SLC2A13: variants seen among roughly 807,000 people sequenced by gnomAD.
SLC2A13 encodes the protein proton myo-inositol cotransporter.
In SLC2A13, 32 loss-of-function variants were observed where a neutral mutation model predicts 64.4. The observed-to-expected ratio is 0.50, with a 90% CI of 0.37 to 0.67. The LOEUF (loss-of-function observed/expected upper bound fraction) is 0.67, where lower values mean the gene tolerates loss of function less well. SLC2A13 is among the 30% of genes least tolerant of loss of function. The pLI, the probability that SLC2A13 is intolerant of heterozygous loss-of-function variation, is 0.00. For missense variants in SLC2A13, 743 were observed against 829.2 expected, an observed-to-expected ratio of 0.90 and a Z score of 1.28; for synonymous variants, 338 against 327.1, an observed-to-expected ratio of 1.03 and a Z score of -0.36.
chr12:40,084,600 G>A (rs1273471055), intron 1 of SLC2A13, among the ~76,000 whole-genome samples: 1 of 152,114 alleles, frequency 6.6e-6, no homozygotes, highest in Non-Finnish European at 1.5e-5. Context: ...TGTTTTTAGG[G>A]TAAATGTAAA....
intron 1 of SLC2A13, among the ~76,000 whole-genome samples, chr12:40,050,646 C>A (rs1948239765): frequency 6.6e-6 from 1 of 152,174 alleles, no homozygotes; most frequent in South Asian, 2.1e-4. Context: ...TAATTATCTC[C>A]ATTTTTCATA....
At chr12:40,003,363 G>T (rs116490010) in intron 3 of SLC2A13, among the ~76,000 whole-genome samples, 1 of 151,986 alleles carries the variant, frequency 6.6e-6, no homozygotes, top group Non-Finnish European at 1.5e-5. Flanking sequence ...AAATTATAAC[G>T]ATTATCTCCA....
At chr12:39,968,664 A>T (rs1406444122) in intron 3 of SLC2A13, among the ~76,000 whole-genome samples, 1 of 151,688 alleles carries the variant, frequency 6.6e-6, no homozygotes, top group East Asian at 1.9e-4. Flanking sequence ...TCACTTCTAC[A>T]TTCCTTGAAA....
chr12:39,956,404 C>T (rs1352977723), intron 3 of SLC2A13, among the ~76,000 whole-genome samples: 5 of 152,102 alleles, frequency 3.3e-5, no homozygotes, highest in South Asian at 2.1e-4. Context: ...CATATGCCAG[C>T]GTCTCAAATT....
intron 3 of SLC2A13, among the ~76,000 whole-genome samples, chr12:39,989,422 TC>T (rs1410939885): frequency 6.6e-6 from 1 of 152,212 alleles, no homozygotes; most frequent in African/African-American, 2.4e-5. Context: ...GTTTATGTGT[TC>T]CTTGGTCACC....
intron 3 of SLC2A13, among the ~76,000 whole-genome samples, chr12:40,015,538 G>A (rs1233646144): frequency 1.3e-5 from 2 of 152,158 alleles, no homozygotes; most frequent in Non-Finnish European, 2.9e-5. Flanking sequence ...TTCTGGAAAT[G>A]TACTACCACT....
chr12:40,088,969 A>G (rs1237550431), intron 1 of SLC2A13, among the ~76,000 whole-genome samples: 2 of 152,226 alleles, frequency 1.3e-5, no homozygotes, highest in East Asian at 1.9e-4. Flanking sequence ...AATTATAACT[A>G]AAGAAATAAT....
rs1206351690 is a variant in SLC2A13 at position 39,810,998 on chromosome 12, T to G, written c.1445+19105A>C. ...CTTTTCTGAAAGAGTTTATATAGGA[T>G]TGGCATTATTTCTTCTTTAAATATC... On this transcript the variant is annotated intron_variant, in intron 7 of 9. Transcript: ENST00000280871. Among the ~76,000 whole-genome samples, 3 of 152,138 alleles carry G rather than the reference T, an allele frequency of 2.0e-5. No individual in the cohort carries two copies. In the East Asian group the frequency reaches 5.8e-4, roughly 29 times the overall value.
At chr12:39,886,121 A>C (rs927821805) in intron 4 of SLC2A13, among the ~76,000 whole-genome samples, 9 of 152,354 alleles carry the variant, frequency 5.9e-5, no homozygotes, top group African/African-American at 1.7e-4. Flanking sequence ...TGACAGAGAT[A>C]AATTTTATTG....
intron 4 of SLC2A13, among the ~76,000 whole-genome samples, chr12:39,944,122 G>A (rs1210993360): frequency 6.6e-6 from 1 of 152,194 alleles, no homozygotes; most frequent in South Asian, 2.1e-4. Flanking sequence ...TCAGGAGCAG[G>A]TTATTTAATT....
intron 1 of SLC2A13, among the ~76,000 whole-genome samples, chr12:40,093,119 A>C (rs1252600362): frequency 6.6e-6 from 1 of 152,242 alleles, no homozygotes; most frequent in African/African-American, 2.4e-5. Flanking sequence ...TAGGTTCCCT[A>C]GATACATGGA....
At chr12:40,069,899 A>C (rs961658663) in intron 1 of SLC2A13, among the ~76,000 whole-genome samples, 3 of 152,096 alleles carry the variant, frequency 2.0e-5, no homozygotes, top group Non-Finnish European at 2.9e-5. Context: ...TCTTATATAC[A>C]ATCAGTTTAA....
intron 7 of SLC2A13, among the ~76,000 whole-genome samples, chr12:39,782,380 G>A (rs1290785368): frequency 6.6e-6 from 1 of 152,116 alleles, no homozygotes; most frequent in Non-Finnish European, 1.5e-5. Flanking sequence ...GTAATAGTGA[G>A]TAAGTGTCAC....
chr12:39,822,669 T>TA (rs1234534856), intron 7 of SLC2A13, among the ~76,000 whole-genome samples: 1 of 152,206 alleles, frequency 6.6e-6, no homozygotes, highest in Non-Finnish European at 1.5e-5. Context: ...ATCCTTATAA[T>TA]AAAAATCTTA....
chr12:39,988,717 GGAAGGAAGGAA>G (rs1176892838), intron 3 of SLC2A13, among the ~76,000 whole-genome samples: 12 of 131,326 alleles, frequency 9.1e-5, no homozygotes, highest in Non-Finnish European at 1.8e-4. Context: ...AAGGAAGGAA[GGAAGGAAGGAA>G]GGGGGGGAGG....
Position 39,871,885 on chromosome 12 carries a change from C to A in SLC2A13, c.1111G>T (p.Ala371Ser). 6.2e-7 allele frequency: 1 copy of A among 1,611,964 alleles called. No homozygotes were observed. Among genetic ancestry groups the A allele is most frequent in the South Asian group, 1.1e-5 (1 of 90,594 alleles). Residue 371 changes from alanine (A) to serine (S), a missense_variant, in exon 5 of 10, where the codon GCC (alanine) becomes TCC (serine). By Grantham distance (99) the Ala-to-Ser change is moderately conservative. This residue lies in a region of SLC2A13 where 295 missense variants were observed against 381.7 expected (regional missense o/e 0.77). Transcript: ENST00000280871. ...AGTGTGAAAATGAAATTTGTGAAGGCTGTAACTGAAGCCAGCCATATTGCA... is the reference window on the plus strand; with the variant it reads ...AGTGTGAAAATGAAATTTGTGAAGGATGTAACTGAAGCCAGCCATATTGCA... ...RLAIWLASVT[A>S]FTNFIFTLVG... is the part of the protein sequence containing the mutation.
At chr12:39,952,412 T>C (rs1946247252) in intron 3 of SLC2A13, among the ~76,000 whole-genome samples, 1 of 152,118 alleles carries the variant, frequency 6.6e-6, no homozygotes, top group South Asian at 2.1e-4. Context: ...TAAATTAAAA[T>C]CCAAAGAAGT....
intron 6 of SLC2A13, among the ~76,000 whole-genome samples, chr12:39,830,799 G>A (rs1176444022): frequency 1.3e-5 from 2 of 152,058 alleles, no homozygotes; most frequent in South Asian, 2.1e-4. Flanking sequence ...TGAAATCTGT[G>A]CTTTCAGCAA....
chr12:39,841,004 C>G (rs1943164435), intron 6 of SLC2A13, among the ~76,000 whole-genome samples: 1 of 152,118 alleles, frequency 6.6e-6, no homozygotes, highest in African/African-American at 2.4e-5. Context: ...TGAATCACAC[C>G]ATGAATTGTT....
Sources: allele counts gnomAD v4.1 joint callset (sites outside exome capture counted in the v4.1 genomes callset), GRCh38; gene constraint gnomAD v4.1.1; regional missense constraint gnomAD v4.1.1; transcripts MANE v1.5; gene names NCBI Gene and HGNC (gene_info 2026-07-23, HGNC 2026-07-21).